Variants in SCN9A observed in about 807,000 individuals in gnomAD.
SCN9A encodes sodium voltage-gated channel alpha subunit 9, also known as sodium channel protein type 9 subunit alpha.
In SCN9A, 131 loss-of-function variants were observed where a neutral mutation model predicts 187.0. The observed-to-expected ratio is 0.70, with a 90% CI of 0.61 to 0.81. The LOEUF is 0.81. Ranked by LOEUF, SCN9A falls within the 30% of genes least tolerant of loss-of-function variation. SCN9A has a pLI of 0.00. For synonymous variants in SCN9A, 809 were observed against 808.6 expected, an observed-to-expected ratio of 1.00 and a Z score of -0.01; for missense variants, 2,252 against 2,396.6, an observed-to-expected ratio of 0.94 and a Z score of 1.26.
At chr2:166,219,669 T>C (rs984274539) in intron 24 of SCN9A, among the ~76,000 whole-genome samples, 5 of 152,148 alleles carry the variant, frequency 3.3e-5, no homozygotes, top group Admixed American at 2.6e-4. Context: ...CAAACCCCTA[T>C]GACATGTTTA....
intron 17 of SCN9A, among the ~76,000 whole-genome samples, chr2:166,257,921 T>G (rs907356753): frequency 5.9e-5 from 9 of 151,550 alleles, no homozygotes; most frequent in Non-Finnish European, 1.2e-4. Flanking sequence ...ATATATCTTT[T>G]ACTTAGGCCA....
At chr2:166,346,175 C>G (rs1322522162) in intron 1 of SCN9A, among the ~76,000 whole-genome samples, 1 of 152,164 alleles carries the variant, frequency 6.6e-6, no homozygotes, top group Non-Finnish European at 1.5e-5. Flanking sequence ...TGATGCCCTA[C>G]CACTATCCCC....
intron 20 of SCN9A, among the ~76,000 whole-genome samples, chr2:166,234,605 G>GC (rs1695232364): frequency 6.6e-6 from 1 of 151,026 alleles, no homozygotes; most frequent in South Asian, 2.1e-4. Flanking sequence ...ATGTAACATG[G>GC]CTTTTTTTTT....
chr2:166,229,176 C>A (rs1694977692), intron 21 of SCN9A, among the ~76,000 whole-genome samples: 1 of 152,072 alleles, frequency 6.6e-6, no homozygotes, highest in Non-Finnish European at 1.5e-5. Flanking sequence ...AAGACATGAA[C>A]TCTGTGATCA....
intron 9 of SCN9A, among the ~76,000 whole-genome samples, chr2:166,289,310 A>G (rs1697931649): frequency 1.3e-5 from 2 of 151,294 alleles, no homozygotes; most frequent in African/African-American, 4.9e-5. Flanking sequence ...TACATTAGGT[A>G]TGTCTCCTAA....
rs199836776 is a variant in SCN9A, at chr2:166,311,604, A to T, written c.153T>A (p.Ser51Arg). The change falls in exon 2 of 27, where the codon AGT (serine) becomes AGA (arginine). Residue 51 changes from serine (S) to arginine (R), a missense_variant. Ser to Arg is a moderately radical substitution (Grantham distance 110, BLOSUM62 -1). This residue lies in a region of SCN9A where 1,013 missense variants were observed against 997.4 expected (regional missense o/e 1.02). Transcript: ENST00000642356. ...DDDEEAPKPS[S>R]DLEAGKQLPF... Reference sequence around the variant, plus strand: ...GCAGCTGTTTGCCAGCTTCCAAGTCACTGCTTGGCTTTGGGGCTTCTTCAT... The same window carrying T: ...GCAGCTGTTTGCCAGCTTCCAAGTCTCTGCTTGGCTTTGGGGCTTCTTCAT... 5.3e-5 allele frequency: 86 copies of T among 1,612,966 alleles called. No homozygotes were observed. The highest frequency in any genetic ancestry group is 8.5e-6 in the Non-Finnish European group (10 of 1,179,748).
At chr2:166,297,740 T>TA (rs1365761067) in intron 7 of SCN9A, among the ~76,000 whole-genome samples, 4 of 151,792 alleles carry the variant, frequency 2.6e-5, no homozygotes, top group Non-Finnish European at 5.9e-5. Context: ...TTATACAGTT[T>TA]AAAAAAAGGA....
intron 21 of SCN9A, 87 bp downstream of exon 21, chr2:166,233,253 C>A (rs1012078883): frequency 3.1e-6 from 3 of 956,554 alleles, no homozygotes; most frequent in Admixed American, 3.8e-5. Context: ...TAAACAGAAA[C>A]AACTCATAAT....
chr2:166,277,630 G>T (rs558811377), intron 15 of SCN9A: 74 of 304,970 alleles, frequency 2.4e-4, no homozygotes, highest in African/African-American at 1.4e-3. Context: ...TTTTAGAATT[G>T]ATAATTTATC....
intron 14 of SCN9A, among the ~76,000 whole-genome samples, chr2:166,279,981 C>T (rs1203264655): frequency 6.6e-6 from 1 of 152,068 alleles, no homozygotes; most frequent in East Asian, 1.9e-4. Flanking sequence ...CAAAGCAATA[C>T]ATCCATAGGT....
intron 9 of SCN9A, among the ~76,000 whole-genome samples, chr2:166,289,895 T>A (rs971343354): frequency 6.6e-6 from 1 of 152,150 alleles, no homozygotes; most frequent in African/African-American, 2.4e-5. Context: ...TAATGGCCAG[T>A]GATGATGAGC....
At chr2:166,230,329 C>T (rs1423181257) in intron 21 of SCN9A, among the ~76,000 whole-genome samples, 1 of 152,082 alleles carries the variant, frequency 6.6e-6, no homozygotes, top group African/African-American at 2.4e-5. Context: ...AAAGACAATT[C>T]TAACTTTCAT....
rs779947651 is a variant in SCN9A, at chr2:166,198,830, CATT to C, written c.5806_5808del (p.Asn1936del). ...TTTTCTGGACTTGAGTTCTCATTAA[CATT>C]ATCAAAAGCCATATCTTTTTTATTG... On this transcript the variant is annotated inframe_deletion, in exon 27 of 27. Coordinates refer to ENST00000642356, the MANE Select transcript of SCN9A (RefSeq NM_001365536.1). 2 of 1,613,482 alleles carry C rather than the reference CATT, an allele frequency of 1.2e-6. No individual in the cohort carries two copies. The highest frequency in any genetic ancestry group is 2.7e-5 in the African/African-American group (2 of 75,044).
At chr2:166,209,762 A>C (rs1391933262) in intron 24 of SCN9A, among the ~76,000 whole-genome samples, 1 of 151,564 alleles carries the variant, frequency 6.6e-6, no homozygotes, top group Non-Finnish European at 1.5e-5. Flanking sequence ...ATGAGATACC[A>C]TCTCATACCA....
intron 20 of SCN9A, among the ~76,000 whole-genome samples, chr2:166,234,191 A>G (rs1004798770): frequency 6.6e-6 from 1 of 152,200 alleles, no homozygotes; most frequent in Non-Finnish European, 1.5e-5. Context: ...CTTAAGAAAG[A>G]ACATGAACAG....
intron 17 of SCN9A, among the ~76,000 whole-genome samples, chr2:166,271,570 G>A (rs766511741): frequency 7.9e-5 from 12 of 151,996 alleles, no homozygotes; most frequent in Non-Finnish European, 1.8e-4. Context: ...CGAGACTTTG[G>A]GGATGGCCAG....
At chr2:166,232,847 T>C (rs1166640381) in intron 21 of SCN9A, among the ~76,000 whole-genome samples, 1 of 147,684 alleles carries the variant, frequency 6.8e-6, no homozygotes, top group African/African-American at 2.5e-5. Flanking sequence ...TATATAGTCT[T>C]TCATATTCTG....
chr2:166,348,056 T>C (rs1284417316), intron 1 of SCN9A, among the ~76,000 whole-genome samples: 1 of 152,160 alleles, frequency 6.6e-6, no homozygotes. Flanking sequence ...GGCAAGATGG[T>C]AGGTTCTTCC....
chr2:166,237,056 A>G (rs1695349327), intron 20 of SCN9A, among the ~76,000 whole-genome samples: 1 of 152,160 alleles, frequency 6.6e-6, no homozygotes, highest in Admixed American at 6.5e-5. Flanking sequence ...TAGGTTTCTG[A>G]AAATCTAGAA....
Sources: allele counts gnomAD v4.1 joint callset (sites outside exome capture counted in the v4.1 genomes callset), GRCh38; gene constraint gnomAD v4.1.1; regional missense constraint gnomAD v4.1.1; transcripts MANE v1.5; gene names NCBI Gene and HGNC (gene_info 2026-07-23, HGNC 2026-07-21).